Variants in FOXP2 observed in about 807,000 individuals in gnomAD.
The protein encoded by FOXP2 is forkhead box protein P2.
In FOXP2, 12 loss-of-function variants were observed where a neutral mutation model predicts 115.8. The ratio of observed to expected loss-of-function variants is 0.10; its 90% CI spans 0.07 to 0.17. The LOEUF (loss-of-function observed/expected upper bound fraction) is 0.17. Among genes scored for constraint, FOXP2 ranks in the 10% least tolerant of loss-of-function variants. FOXP2 has a pLI of 1.00. For missense variants in FOXP2, 629 were observed against 843.5 expected, an observed-to-expected ratio of 0.75 and a Z score of 3.15; for synonymous variants, 328 against 297.7, an observed-to-expected ratio of 1.10 and a Z score of -1.05.
intron 1 of FOXP2, among the ~76,000 whole-genome samples, chr7:114,424,372 A>G (rs1490769183): frequency 6.6e-6 from 1 of 151,498 alleles, no homozygotes. Context: ...AACAATAAAT[A>G]TTTCAAATAA....
At position 114,366,913 on chromosome 7, in the gene FOXP2, A is replaced by G. The variant is rs371188628; in HGVS notation, c.-10-59589A>G. On this transcript the variant is annotated intron_variant, in intron 2 of 17. Coordinates refer to the FOXP2 transcript ENST00000634411. ...ATACTACAGCCTTTAAAGCATTATT[A>G]GCATTTTGTTAAGATTGGATATTAA... Among the ~76,000 whole-genome samples, 12 of 152,212 alleles carry G rather than the reference A, an allele frequency of 7.9e-5. No individual in the cohort carries two copies. In the South Asian group the frequency reaches 2.3e-3, roughly 29 times the overall value.
chr7:114,310,979 C>T (rs932942283), intron 2 of FOXP2, among the ~76,000 whole-genome samples: 7 of 152,098 alleles, frequency 4.6e-5, no homozygotes, highest in African/African-American at 9.7e-5. Flanking sequence ...TACTTCTCCC[C>T]GATTCTTCCC....
intron 2 of FOXP2, among the ~76,000 whole-genome samples, chr7:114,306,751 T>C (rs1797023374): frequency 6.6e-6 from 1 of 152,156 alleles, no homozygotes; most frequent in African/African-American, 2.4e-5. Flanking sequence ...ACCATGTTTT[T>C]TTTTCTGGAG....
intron 8 of FOXP2, among the ~76,000 whole-genome samples, chr7:114,650,931 T>C (rs1806213326): frequency 6.6e-6 from 1 of 152,084 alleles, no homozygotes; most frequent in Non-Finnish European, 1.5e-5. Flanking sequence ...AGGTTTCTGA[T>C]TGTTGAACCT....
At chr7:114,480,086 G>C (rs1796456539) in intron 2 of FOXP2, among the ~76,000 whole-genome samples, 2 of 151,294 alleles carry the variant, frequency 1.3e-5, no homozygotes, top group Admixed American at 1.3e-4. Flanking sequence ...AGAGACACTT[G>C]GTCACTTACA....
At chr7:114,280,410 G>T (rs1796303067) in intron 1 of FOXP2, among the ~76,000 whole-genome samples, 1 of 151,906 alleles carries the variant, frequency 6.6e-6, no homozygotes, top group African/African-American at 2.4e-5. Context: ...ACAGGATATT[G>T]GAAATACCAA....
intron 3 of FOXP2, chr7:114,538,454 G>C: frequency 1.1e-5 from 9 of 843,552 alleles, no homozygotes; most frequent in Non-Finnish European, 1.6e-5. Context: ...CTTCATTGTA[G>C]GTTAATATAT....
At chr7:114,177,627 T>C (rs1793350327) in intron 1 of FOXP2, among the ~76,000 whole-genome samples, 1 of 152,208 alleles carries the variant, frequency 6.6e-6, no homozygotes, top group Middle Eastern at 3.4e-3. Context: ...TAACTTGAAG[T>C]GGGATGTATG....
At chr7:114,193,767 A>T (rs1408531545) in intron 1 of FOXP2, among the ~76,000 whole-genome samples, 1 of 152,120 alleles carries the variant, frequency 6.6e-6, no homozygotes, top group Non-Finnish European at 1.5e-5. Context: ...TCTACTTGTA[A>T]TTCAGTTTGT....
At chr7:114,512,589 T>G (rs1330348107) in intron 2 of FOXP2, among the ~76,000 whole-genome samples, 2 of 152,152 alleles carry the variant, frequency 1.3e-5, no homozygotes, top group Non-Finnish European at 2.9e-5. Flanking sequence ...TGATTTCTGA[T>G]AGGGTTCTGT....
chr7:114,517,169 G>A (rs1413692659), intron 2 of FOXP2, among the ~76,000 whole-genome samples: 2 of 151,836 alleles, frequency 1.3e-5, no homozygotes, highest in Admixed American at 1.3e-4. Flanking sequence ...TGTCTATTCA[G>A]TTTCTTTCCC....
intron 3 of FOXP2, among the ~76,000 whole-genome samples, chr7:114,546,470 A>G (rs1799930631): frequency 6.6e-6 from 1 of 152,224 alleles, no homozygotes; most frequent in Non-Finnish European, 1.5e-5. Context: ...TCATTCCTTC[A>G]TTCATTCACA....
chr7:114,503,762 C>A (rs1396587746), intron 2 of FOXP2, among the ~76,000 whole-genome samples: 1 of 151,134 alleles, frequency 6.6e-6, no homozygotes, highest in Non-Finnish European at 1.5e-5. Flanking sequence ...TTATTTTATT[C>A]TTCTGATTGA....
intron 1 of FOXP2, among the ~76,000 whole-genome samples, chr7:114,278,891 G>T (rs1489202355): frequency 1.3e-5 from 2 of 152,100 alleles, no homozygotes; most frequent in African/African-American, 4.8e-5. Context: ...GCATGCCAAT[G>T]CCAGTGATTT....
At position 114,689,946 on chromosome 7, in the gene FOXP2, C is replaced by T. The variant is rs772862942; in HGVS notation, c.*20C>T. ...GAATGAGAACTGACTTGTGAAACCT[C>T]AGCGTGAAGGGACATATCACTGACC... On this transcript the variant is annotated 3_prime_UTR_variant, in exon 17 of 17. Transcript: ENST00000350908. The T allele has an allele frequency of 2.5e-6, 4 of 1,612,200 alleles. No homozygotes were observed. In the South Asian group the frequency reaches 3.3e-5, roughly 13 times the overall value.
chr7:114,093,183 T>A (rs547052173), intron 1 of FOXP2, among the ~76,000 whole-genome samples: 19 of 152,274 alleles, frequency 1.2e-4, no homozygotes, highest in African/African-American at 4.6e-4. Context: ...ATAAACCTCC[T>A]TGATATTCCT....
chr7:114,659,048 A>G (rs979791651), intron 11 of FOXP2, among the ~76,000 whole-genome samples: 4 of 152,192 alleles, frequency 2.6e-5, no homozygotes, highest in African/African-American at 7.2e-5. Context: ...GCAGGGGGGC[A>G]AAAGTCCATG....
chr7:114,296,139 A>C (rs1796736290), intron 2 of FOXP2, among the ~76,000 whole-genome samples: 1 of 152,242 alleles, frequency 6.6e-6, no homozygotes, highest in African/African-American at 2.4e-5. Context: ...TAGGTTTTTC[A>C]GTACAATTAA....
intron 10 of FOXP2, 139 bp downstream of exon 10, chr7:114,654,148 T>G (rs980555759): frequency 1.9e-6 from 3 of 1,538,824 alleles, no homozygotes; most frequent in Non-Finnish European, 2.6e-6. Flanking sequence ...ATGTAATCGC[T>G]TGTCAAATTG....
Sources: allele counts gnomAD v4.1 joint callset (sites outside exome capture counted in the v4.1 genomes callset), GRCh38; gene constraint gnomAD v4.1.1; transcripts MANE v1.5; gene names NCBI Gene and HGNC (gene_info 2026-07-23, HGNC 2026-07-21).